The following ING5 variants were observed in gnomAD, a reference collection of about 807,000 sequenced individuals.
The protein encoded by ING5 is inhibitor of growth protein 5.
Under a neutral mutation model 37.4 loss-of-function variants are expected in ING5, and 17 were observed. The ratio of observed to expected loss-of-function variants is 0.45; its 90% confidence interval spans 0.31 to 0.68. ING5 has a LOEUF of 0.68. Among genes scored for constraint, ING5 ranks in the 30% least tolerant of loss-of-function variants. The pLI is 0.05. For synonymous variants in ING5, 123 were observed against 116.6 expected (o/e 1.06, Z -0.36); for missense variants, 233 against 311.9 (o/e 0.75, Z 1.91).
chr2:241,693,466 G>A (rs1466902818), intron 2 of ING5, among the ~76,000 whole-genome samples: 1 of 151,612 alleles, frequency 6.6e-6, no homozygotes, highest in Non-Finnish European at 1.5e-5. Flanking sequence ...CCTTCACACA[G>A]CAGGCTTGCA....
At chr2:241,704,551 A>G in intron 1 of ING5, 102 bp from the exon 2 acceptor site, 2 of 936,122 alleles carry the variant, frequency 2.1e-6, no homozygotes, top group Admixed American at 3.5e-5. Context: ...CTGGGCAACA[A>G]GAGTGAAACT....
upstream of ING5, chr2:241,701,979 G>T: frequency 9.0e-6 from 9 of 998,144 alleles, no homozygotes; most frequent in Non-Finnish European, 1.2e-5. Flanking sequence ...CGCGACTCAT[G>T]AATAGTGAGC....
intron 5 of ING5, chr2:241,719,936 T>G: frequency 7.7e-7 from 1 of 1,293,656 alleles, no homozygotes; most frequent in Non-Finnish European, 9.8e-7. Context: ...GCTCTGGATC[T>G]AGCTTGTGTG....
rs1310471156 is a variant in ING5 at position 241,725,345 on chromosome 2, A to G, written c.*314A>G. The G allele has an allele frequency of 1.1e-5, 4 of 380,854 alleles. No homozygotes were observed. Among genetic ancestry groups the G allele is most frequent in the Non-Finnish European group, 1.5e-5 (3 of 204,718 alleles). The allele number at this position is 380,854 out of a possible 1,614,324, so 23.6% of individuals were successfully genotyped here. A position where few individuals can be genotyped will look rare whatever the true frequency, so the allele number is the denominator to read the frequency against. ...CCCGGCCGGGCGTGCGGGCGGGGAC[A>G]TGGTAACCTGGTCCACGGAGGGCGG... On this transcript the variant is annotated 3_prime_UTR_variant, in exon 8 of 8. Transcript: ENST00000313552.
At chr2:241,699,523 G>A (rs889639519), upstream of ING5, among the ~76,000 whole-genome samples, 6 of 152,002 alleles carry the variant, frequency 3.9e-5, no homozygotes, top group Non-Finnish European at 7.4e-5. Flanking sequence ...CCATCCTCCC[G>A]CCTCAGCCTC....
intron 2 of ING5, among the ~76,000 whole-genome samples, chr2:241,691,670 T>C (rs1177602992): frequency 6.6e-6 from 1 of 152,138 alleles, no homozygotes; most frequent in East Asian, 1.9e-4. Flanking sequence ...GTACGGGCTG[T>C]CTTTTAGAGT....
chr2:241,698,496 A>AGTGTGTGT (rs199798593), upstream of ING5, among the ~76,000 whole-genome samples: 112 of 147,524 alleles, frequency 7.6e-4, no homozygotes, highest in South Asian at 9.0e-3. Flanking sequence ...ATAATAGAGG[A>AGTGTGTGT]GTGTGTGTGT....
At chr2:241,722,619 C>A in intron 5 of ING5, 1 of 985,276 alleles carries the variant, frequency 1.0e-6, no homozygotes, top group Non-Finnish European at 1.2e-6. Flanking sequence ...TAGAACATTG[C>A]GTGTTCAGAG....
At chr2:241,700,151 T>TTTTG (rs2069691641), upstream of ING5, among the ~76,000 whole-genome samples, 2 of 72,200 alleles carry the variant, frequency 2.8e-5, no homozygotes, top group African/African-American at 1.8e-4. Flanking sequence ...CCCGGCTAAG[T>TTTTG]TTTTTTTTTT....
chr2:241,695,484 A>G (rs1364736202), intron 2 of ING5, among the ~76,000 whole-genome samples: 1 of 152,154 alleles, frequency 6.6e-6, no homozygotes, highest in Non-Finnish European at 1.5e-5. Flanking sequence ...TCAGGAGTTC[A>G]AGACCAGCTT....
At chr2:241,700,212 A>T (rs1317881342), upstream of ING5, among the ~76,000 whole-genome samples, 3 of 138,464 alleles carry the variant, frequency 2.2e-5, no homozygotes, top group Non-Finnish European at 4.5e-5. Flanking sequence ...GCTGGAGTGC[A>T]ATGGCACGAT....
intron 7 of ING5, among the ~76,000 whole-genome samples, chr2:241,724,223 A>T (rs1196460049): frequency 6.6e-6 from 1 of 152,070 alleles, no homozygotes; most frequent in Non-Finnish European, 1.5e-5. Context: ...CAGGGAAAGG[A>T]TGCCGTGTCT....
At chr2:241,702,396 A>G (rs1483375756) in intron 1 of ING5, among the ~76,000 whole-genome samples, 3 of 150,094 alleles carry the variant, frequency 2.0e-5, no homozygotes, top group South Asian at 2.1e-4. Flanking sequence ...CCGCCCACAT[A>G]TTAGGTCCCG....
At chr2:241,696,471 A>T (rs1559295538) in intron 2 of ING5, among the ~76,000 whole-genome samples, 1 of 152,094 alleles carries the variant, frequency 6.6e-6, no homozygotes. Context: ...GTGAGTCAGT[A>T]AAAGAACAAC....
rs1162727779 is a variant in ING5 at position 241,726,166 on chromosome 2, C to CT, written c.*1138dup. On this transcript the variant is annotated 3_prime_UTR_variant, in exon 8 of 8. Coordinates refer to ENST00000313552, the MANE Select transcript of ING5 (RefSeq NM_032329.6). ...GGCGCTCGGAAATCCTCTCCCGTGC[C>CT]TTTAGAGGAAGGAGAGGATTGCTGA... 1 of 152,322 alleles carries CT rather than the reference C, an allele frequency of 6.6e-6. No individual in the cohort carries two copies. Among genetic ancestry groups the CT allele is most frequent in the Non-Finnish European group, 1.5e-5 (1 of 68,036 alleles). 9.4% of individuals were successfully genotyped at this position (152,322 alleles called of 1,614,324 possible).
At chr2:241,688,921 C>G (rs866100623) in intron 1 of ING5, among the ~76,000 whole-genome samples, 53 of 152,256 alleles carry the variant, frequency 3.5e-4, no homozygotes, top group African/African-American at 1.2e-3. Flanking sequence ...GCCTCAGCCT[C>G]CCCACTAGCT....
intron 5 of ING5, chr2:241,720,998 G>T: frequency 1.0e-6 from 1 of 985,720 alleles, no homozygotes; most frequent in Non-Finnish European, 1.2e-6. Context: ...AATCTGGCCA[G>T]CGCCCTCGAA....
At chr2:241,712,381 AG>A in intron 5 of ING5, 1 of 285,422 alleles carries the variant, frequency 3.5e-6, no homozygotes, top group South Asian at 7.5e-5. Flanking sequence ...CTGCCCCACT[AG>A]GGACAGGAGG....
At chr2:241,696,932 A>G (rs549892989) in intron 2 of ING5, among the ~76,000 whole-genome samples, 1 of 152,144 alleles carries the variant, frequency 6.6e-6, no homozygotes, top group African/African-American at 2.4e-5. Context: ...AAATACAAAA[A>G]TTAGCTGGGC....
Sources: allele counts gnomAD v4.1 joint callset (sites outside exome capture counted in the v4.1 genomes callset), GRCh38; gene constraint gnomAD v4.1.1; transcripts MANE v1.5; gene names NCBI Gene and HGNC (gene_info 2026-07-23, HGNC 2026-07-21).